AMY2B: variants seen among roughly 807,000 people sequenced by gnomAD.
The protein encoded by AMY2B is amylase alpha 2B.
In AMY2B, 63 loss-of-function variants were observed where a neutral mutation model predicts 59.3. The ratio of observed to expected loss-of-function variants is 1.06; its 90% CI spans 0.87 to 1.31. The LOEUF (loss-of-function observed/expected upper bound fraction) is 1.31. Among genes scored for constraint, AMY2B ranks in the 50% most tolerant of loss-of-function variants. The pLI is 0.00. For synonymous variants in AMY2B, 180 were observed against 198.1 expected (o/e 0.91, Z 0.77); for missense variants, 635 against 626.7 (o/e 1.01, Z -0.14).
Position 103,578,692 on chromosome 1 carries a change from T to G in AMY2B, c.1347-619T>G, listed in dbSNP as rs540754555. Among the ~76,000 whole-genome samples, 8 of 152,268 alleles carry G rather than the reference T, an allele frequency of 5.3e-5. No individual in the cohort carries two copies. The South Asian group carries it at 1.7e-3, about 32-fold the overall frequency. ...TTGTGGATGAAAATACCAAAATAAA[T>G]TTTTGTGAGAAAGCTTTATATTTCA... On this transcript the variant is annotated intron_variant, in intron 9 of 9. Coordinates refer to ENST00000684275, the MANE Select transcript of AMY2B (RefSeq NM_001387437.1).
chr1:103,564,281 A>T (rs1486426823), intron 1 of AMY2B, among the ~76,000 whole-genome samples: 1 of 152,130 alleles, frequency 6.6e-6, no homozygotes, highest in East Asian at 1.9e-4. Context: ...TTAACTCCTA[A>T]TAATTGCGTT....
rs756796229 is a variant in AMY2B at position 103,571,670 on chromosome 1, A to G, written c.68A>G (p.Gln23Arg). 2 of 1,611,788 alleles carry G rather than the reference A, an allele frequency of 1.2e-6. No individual in the cohort carries two copies. The highest frequency in any genetic ancestry group is 1.7e-6 in the Non-Finnish European group (2 of 1,179,820). The change falls in exon 1 of 10, where the codon CAA becomes CGA. Residue 23 changes from glutamine (Q) to arginine (R), a missense_variant. Physicochemically the swap from Gln to Arg is conservative, Grantham distance 43. Transcript: ENST00000684275. ...CWAQYSPNTQ[Q>R]GRTSIVHLFE... The stretch of plus-strand genomic sequence containing the variant: ...GCTCAGTATTCCCCAAATACACAAC[A>G]AGGACGGACATCTATTGTTCATCTG...
At chr1:103,562,313 C>A (rs1013896600) in intron 1 of AMY2B, among the ~76,000 whole-genome samples, 2 of 152,176 alleles carry the variant, frequency 1.3e-5, no homozygotes, top group African/African-American at 4.8e-5. Context: ...TTTCAGAGAT[C>A]TGTTAGGCAA....
Position 103,573,223 on chromosome 1 carries a change from G to C in AMY2B, c.476G>C (p.Gly159Ala). ...TTTAATGATGGTAAATGTAAAACTG[G>C]AAGTGGAGATATCGAGAACTACAAT... ...WDFNDGKCKT[G>A]SGDIENYNDA... The change falls in exon 3 of 10, where the codon GGA becomes GCA. Residue 159 changes from glycine (G) to alanine (A), a missense_variant. By Grantham distance (60) the Gly-to-Ala change is moderately conservative. Coordinates refer to ENST00000684275, the MANE Select transcript of AMY2B (RefSeq NM_001387437.1). The C allele has an allele frequency of 6.2e-7, 1 of 1,613,672 alleles. No individual in the cohort carries two copies. The highest frequency in any genetic ancestry group is 8.5e-7 in the Non-Finnish European group (1 of 1,179,670).
At chr1:103,559,608 A>G (rs1651670075) in intron 1 of AMY2B, among the ~76,000 whole-genome samples, 2 of 152,216 alleles carry the variant, frequency 1.3e-5, no homozygotes, top group Admixed American at 6.5e-5. Context: ...ACAAACGATA[A>G]TAACATAAGA....
intron 2 of AMY2B, among the ~76,000 whole-genome samples, chr1:103,566,283 A>G (rs1651909765): frequency 1.3e-5 from 2 of 152,066 alleles, no homozygotes; most frequent in African/African-American, 4.8e-5. Context: ...CTTTCACTTT[A>G]TTGTTTGTTT....
At chr1:103,556,890 G>A (rs1651569469) in intron 1 of AMY2B, among the ~76,000 whole-genome samples, 1 of 152,036 alleles carries the variant, frequency 6.6e-6, no homozygotes, top group African/African-American at 2.4e-5. Flanking sequence ...TGTGTCAACT[G>A]TAAGATACTT....
Position 103,573,071 on chromosome 1 carries a change from T to A in AMY2B, c.324T>A (p.Ile108=). ...VTRCNNVGVR[I]YVDAVINHMS... is the part of the protein sequence containing the mutation. ...GAAACTTTGCTTTCTAGGTTCGTAT[T>A]TATGTGGATGCTGTAATTAATCATA... The change falls in exon 3 of 10, where the codon ATT becomes ATA. Residue 108 remains isoleucine (I), a synonymous_variant. Transcript: ENST00000684275. The A allele has an allele frequency of 1.2e-6, 2 of 1,613,672 alleles. No individual in the cohort carries two copies. The highest frequency in any genetic ancestry group is 1.7e-6 in the Non-Finnish European group (2 of 1,179,658).
chr1:103,563,476 G>A (rs544760847), intron 1 of AMY2B, among the ~76,000 whole-genome samples: 1 of 152,124 alleles, frequency 6.6e-6, no homozygotes, highest in East Asian at 1.9e-4. Flanking sequence ...AGAATTGTTT[G>A]TGCAGATTTT....
intron 9 of AMY2B, 62 bp from the exon 10 acceptor site, chr1:103,579,249 G>T (rs772569127): frequency 3.1e-6 from 5 of 1,611,090 alleles, no homozygotes; most frequent in Non-Finnish European, 4.2e-6. Context: ...CTGTTTAGTT[G>T]TGTTAGCCTG....
At chr1:103,574,539 C>A in intron 5 of AMY2B, 146 bp downstream of exon 5, 2 of 1,490,992 alleles carry the variant, frequency 1.3e-6, no homozygotes, top group Non-Finnish European at 1.8e-6. Flanking sequence ...GCCCTAAACT[C>A]TAATCAATCA....
At chr1:103,557,832 T>C (rs1328860825) in intron 1 of AMY2B, among the ~76,000 whole-genome samples, 1 of 152,130 alleles carries the variant, frequency 6.6e-6, no homozygotes, top group Non-Finnish European at 1.5e-5. Flanking sequence ...ATGTTATTTA[T>C]GGGAACATTA....
chr1:103,573,730 G>T lies in AMY2B; in HGVS notation c.536G>T (p.Gly179Val). ...ATQVRDCRLV[G>V]LLDLALEKDY... Reference sequence around the variant, plus strand: ...CAGGTCAGAGATTGTCGTCTGGTTGGTCTTCTTGATCTTGCACTGGAGAAA... The same window carrying T: ...CAGGTCAGAGATTGTCGTCTGGTTGTTCTTCTTGATCTTGCACTGGAGAAA... The change falls in exon 4 of 10, where the codon GGT (glycine) becomes GTT (valine). Residue 179 changes from glycine to valine, a missense_variant. Gly to Val is a moderately radical substitution (Grantham distance 109). Transcript: ENST00000684275. 3.7e-6 allele frequency: 6 copies of T among 1,613,668 alleles called. No homozygotes were observed. The highest frequency in any genetic ancestry group is 3.4e-6 in the Non-Finnish European group (4 of 1,179,660).
At chr1:103,556,263 A>G (rs1178228478) in intron 1 of AMY2B, among the ~76,000 whole-genome samples, 1 of 152,240 alleles carries the variant, frequency 6.6e-6, no homozygotes, top group Non-Finnish European at 1.5e-5. Flanking sequence ...CATAGGTGCT[A>G]TCACTGAAAA....
At position 103,575,216 on chromosome 1, in the gene AMY2B, A is replaced by G. The variant is rs1467175343; in HGVS notation, c.879-7A>G. The G allele has an allele frequency of 6.2e-7, 1 of 1,613,416 alleles. No individual in the cohort carries two copies. Among genetic ancestry groups the G allele is most frequent in the East Asian group, 2.2e-5 (1 of 44,852 alleles). On this transcript the variant is annotated splice_polypyrimidine_tract_variant and splice_region_variant and intron_variant, in intron 5 of 9. Coordinates refer to ENST00000684275, the MANE Select transcript of AMY2B (RefSeq NM_001387437.1). The stretch of plus-strand genomic sequence containing the variant: ...ACATCAACATATATCTTATTTTTCA[A>G]AAATAGGAACTGGGGAGAAGGTTGG...
In AMY2B at chr1:103,574,382, G is replaced by A. The variant is rs147458656; in HGVS notation, c.867G>A (p.Met289Ile). Residue 289 changes from methionine (M) to isoleucine (I), a missense_variant, in exon 5 of 10, where the codon ATG becomes ATA. Met to Ile is a conservative substitution (Grantham distance 10). Transcript: ENST00000684275. ...TTCGCAAGTGGAATGGAGAGAAGATGTCTTACCTAAAGTAAATAAATACAA... is the reference window on the plus strand; with the variant it reads ...TTCGCAAGTGGAATGGAGAGAAGATATCTTACCTAAAGTAAATAAATACAA... ...TVIRKWNGEK[M>I]SYLKNWGEGW... 2.0e-4 allele frequency: 330 copies of A among 1,611,244 alleles called. No homozygotes were observed. In the African/African-American group the frequency reaches 4.0e-3, roughly 20 times the overall value.
chr1:103,571,533 C>T, upstream of AMY2B: 1 of 1,585,050 alleles, frequency 6.3e-7, no homozygotes, highest in South Asian at 1.1e-5. Context: ...CTAATATTTA[C>T]TTTGTAAAAT....
At chr1:103,562,724 A>G (rs965625726) in intron 1 of AMY2B, among the ~76,000 whole-genome samples, 1 of 142,932 alleles carries the variant, frequency 7.0e-6, no homozygotes, top group Admixed American at 7.3e-5. Flanking sequence ...TTAAAAAACT[A>G]TAATATCTGG....
At chr1:103,573,671 G>A in intron 3 of AMY2B, 37 bp from the exon 4 acceptor site, 4 of 1,611,556 alleles carry the variant, frequency 2.5e-6, no homozygotes, top group Non-Finnish European at 3.4e-6. Flanking sequence ...GAAAAATGAG[G>A]TTTTATGAAT....
Sources: allele counts gnomAD v4.1 joint callset (sites outside exome capture counted in the v4.1 genomes callset), GRCh38; gene constraint gnomAD v4.1.1; transcripts MANE v1.5; gene names NCBI Gene and HGNC (gene_info 2026-07-23, HGNC 2026-07-21).